Variants in MIS18A observed in about 807,000 individuals in gnomAD.
MIS18A encodes MIS18 kinetochore protein A.
A neutral mutation model predicts 25.0 loss-of-function variants in MIS18A; 14 were observed. The observed-to-expected ratio is 0.56, with a 90% confidence interval of 0.37 to 0.88. The LOEUF is 0.88. Ranked by LOEUF, MIS18A falls within the 40% of genes least tolerant of loss-of-function variation. The pLI is 0.00. For missense variants in MIS18A, 292 were observed against 290.8 expected (o/e 1.00, Z -0.03); for synonymous variants, 134 against 118.6 (o/e 1.13, Z -0.84).
chr21:32,166,649 C>T, the MIS18A span, among the ~76,000 whole-genome samples: 1 of 152,184 alleles, frequency 6.6e-6, no homozygotes, highest in African/African-American at 2.4e-5. Context: ...AATAATTATA[C>T]ATGAGTCCAT....
chr21:32,205,167 C>T, the MIS18A span, among the ~76,000 whole-genome samples: 4 of 126,010 alleles, frequency 3.2e-5, no homozygotes, highest in African/African-American at 8.9e-5. Context: ...TGCAGTGGCT[C>T]GATCTCGGCT....
At chr21:32,167,604 C>A in the MIS18A span, among the ~76,000 whole-genome samples, 4 of 152,096 alleles carry the variant, frequency 2.6e-5, no homozygotes, top group East Asian at 5.8e-4. Flanking sequence ...AATAAAAAAA[C>A]CAAAAACAGC....
chr21:32,253,915 T>C, the MIS18A span, among the ~76,000 whole-genome samples: 1 of 152,124 alleles, frequency 6.6e-6, no homozygotes, highest in Non-Finnish European at 1.5e-5. Flanking sequence ...TTAAACAGCA[T>C]TTTGAAAAAA....
At chr21:32,240,797 T>G in the MIS18A span, among the ~76,000 whole-genome samples, 1 of 58,496 alleles carries the variant, frequency 1.7e-5, no homozygotes, top group African/African-American at 7.3e-5. Flanking sequence ...AAGTACCTAC[T>G]CAAGGAAATT....
At chr21:32,159,397 ATACC>A in the MIS18A span, among the ~76,000 whole-genome samples, 1 of 152,254 alleles carries the variant, frequency 6.6e-6, no homozygotes, top group South Asian at 2.1e-4. Context: ...AAAAGTATTT[ATACC>A]AATAACTCAG....
At chr21:32,264,777 T>G (rs1266339317), downstream of MIS18A, among the ~76,000 whole-genome samples, 1 of 152,190 alleles carries the variant, frequency 6.6e-6, no homozygotes, top group African/African-American at 2.4e-5. Context: ...CTCCTGGTCT[T>G]GAGCATTTTA....
At chr21:32,206,704 G>A in the MIS18A span, among the ~76,000 whole-genome samples, 2 of 152,178 alleles carry the variant, frequency 1.3e-5, no homozygotes, top group South Asian at 4.1e-4. Context: ...TACCAAGTGT[G>A]AAAGTCAAGG....
chr21:32,169,335 C>T, the MIS18A span, among the ~76,000 whole-genome samples: 3 of 152,066 alleles, frequency 2.0e-5, no homozygotes, highest in Admixed American at 2.0e-4. Context: ...ATTCATAAAG[C>T]CCCTCTTTAT....
At chr21:32,157,223 A>T in the MIS18A span, among the ~76,000 whole-genome samples, 1 of 72,328 alleles carries the variant, frequency 1.4e-5, no homozygotes, top group African/African-American at 6.8e-5. Flanking sequence ...TACCCGGCTA[A>T]TTTTTTTTTT....
the MIS18A span, among the ~76,000 whole-genome samples, chr21:32,229,719 G>A: frequency 4.6e-5 from 7 of 152,112 alleles, no homozygotes; most frequent in Non-Finnish European, 8.8e-5. Flanking sequence ...TCAATTCTTT[G>A]CTTTTGAACT....
In MIS18A at chr21:32,278,551, C is replaced by G. The variant is rs2031861891; in HGVS notation, c.334+130G>C. 1.4e-5 allele frequency: 14 copies of G among 1,012,118 alleles called. No homozygotes were observed. In the South Asian group the frequency reaches 2.2e-4, roughly 16 times the overall value. 62.7% of individuals were successfully genotyped at this position (1,012,118 alleles called of 1,614,324 possible). A position where few individuals can be genotyped will look rare whatever the true frequency, so the allele number is the denominator to read the frequency against. ...CCCTTTTCCTGCCACAGCTCACACT[C>G]TCAGACTTTTTGCTCTTAAAGTCCC... is the stretch of plus-strand genomic sequence containing the variant. On this transcript the variant is annotated intron_variant, in intron 1 of 4. Transcript: ENST00000290130.
At chr21:32,247,532 A>G in the MIS18A span, among the ~76,000 whole-genome samples, 1,187 of 152,306 alleles carry the variant, frequency 7.8e-3, 13 homozygotes, top group African/African-American at 0.027. Context: ...GGCCACAAAA[A>G]ATTCATATGT....
the MIS18A span, among the ~76,000 whole-genome samples, chr21:32,254,729 G>C: frequency 6.6e-6 from 1 of 152,058 alleles, no homozygotes; most frequent in East Asian, 1.9e-4. Context: ...CCTAGAATCC[G>C]TCTCCTCTTT....
At chr21:32,156,616 T>G in the MIS18A span, 1 of 152,220 alleles carries the variant, frequency 6.6e-6, no homozygotes, top group Non-Finnish European at 1.5e-5. Flanking sequence ...ATATTTCACA[T>G]TTTATAATTC....
intron 2 of MIS18A, among the ~76,000 whole-genome samples, chr21:32,272,431 G>A (rs983916505): frequency 1.3e-5 from 2 of 152,172 alleles, no homozygotes; most frequent in East Asian, 1.9e-4. Context: ...CAGTCTAATC[G>A]ATGGGTTTAG....
the MIS18A span, among the ~76,000 whole-genome samples, chr21:32,208,206 T>G: frequency 8.0e-3 from 1,215 of 152,296 alleles, 16 homozygotes; most frequent in African/African-American, 0.027. Context: ...GACATGTGAA[T>G]GTGAATAACA....
At chr21:32,187,147 T>C in the MIS18A span, among the ~76,000 whole-genome samples, 1 of 152,224 alleles carries the variant, frequency 6.6e-6, no homozygotes. Flanking sequence ...AGGGAAGGGC[T>C]AATAAATAAC....
chr21:32,221,949 C>T, the MIS18A span, among the ~76,000 whole-genome samples: 98 of 151,984 alleles, frequency 6.4e-4, no homozygotes, highest in African/African-American at 2.1e-3. Flanking sequence ...CAATATTAAC[C>T]TTAAATGTAA....
chr21:32,155,347 A>T, the MIS18A span, among the ~76,000 whole-genome samples: 2 of 152,062 alleles, frequency 1.3e-5, no homozygotes, highest in Non-Finnish European at 2.9e-5. Context: ...CTCTTCTGCG[A>T]TAGTCCCTGG....
Sources: allele counts gnomAD v4.1 joint callset (sites outside exome capture counted in the v4.1 genomes callset), GRCh38; gene constraint gnomAD v4.1.1; transcripts MANE v1.5; gene names NCBI Gene and HGNC (gene_info 2026-07-23, HGNC 2026-07-21).